DMGDH: variants seen among roughly 807,000 people sequenced by gnomAD.
DMGDH encodes dimethylglycine dehydrogenase, mitochondrial.
A neutral mutation model predicts 95.2 loss-of-function variants in DMGDH; 76 were observed. The ratio of observed to expected loss-of-function variants is 0.80; its 90% CI spans 0.66 to 0.97. DMGDH has a LOEUF of 0.97. DMGDH is among the 50% of genes least tolerant of loss of function. The probability of loss-of-function intolerance (pLI) is 0.00; values close to 1 mark genes in which losing one functional copy is unlikely to be tolerated. For missense variants in DMGDH, 987 were observed against 1,055.0 expected, an observed-to-expected ratio of 0.94 and a Z score of 0.89; for synonymous variants, 345 against 377.6, an observed-to-expected ratio of 0.91 and a Z score of 1.00.
At chr5:79,062,904 C>T (rs1021444841) in intron 2 of DMGDH, among the ~76,000 whole-genome samples, 1 of 152,034 alleles carries the variant, frequency 6.6e-6, no homozygotes, top group African/African-American at 2.4e-5. Context: ...CCAGCCTGAC[C>T]AACACGGTGA....
chr5:78,998,723 G>A (rs929400197), intron 15 of DMGDH, among the ~76,000 whole-genome samples: 2 of 152,130 alleles, frequency 1.3e-5, no homozygotes, highest in African/African-American at 2.4e-5. Flanking sequence ...GATGGCGGGC[G>A]CCTATACTCT....
intron 14 of DMGDH, among the ~76,000 whole-genome samples, chr5:79,019,408 T>C (rs1033540348): frequency 2.0e-5 from 3 of 152,040 alleles, no homozygotes; most frequent in African/African-American, 7.2e-5. Context: ...AAGACTGAAG[T>C]TGGTATGAAG....
intron 15 of DMGDH, among the ~76,000 whole-genome samples, chr5:79,001,528 G>T (rs1247908289): frequency 2.0e-5 from 3 of 152,154 alleles, no homozygotes; most frequent in Admixed American, 6.5e-5. Context: ...GTAAGAAAGA[G>T]ATTTGGGTTT....
intron 4 of DMGDH, among the ~76,000 whole-genome samples, chr5:79,052,446 G>A (rs1169045427): frequency 6.6e-6 from 1 of 152,110 alleles, no homozygotes; most frequent in African/African-American, 2.4e-5. Context: ...TTTCTTTGTG[G>A]GAAGTTTTTG....
intron 1 of DMGDH, among the ~76,000 whole-genome samples, chr5:79,067,647 C>G (rs1755415680): frequency 6.6e-6 from 1 of 152,150 alleles, no homozygotes; most frequent in Non-Finnish European, 1.5e-5. Context: ...CTCGGCCCAG[C>G]ATGCCATAAT....
intron 15 of DMGDH, among the ~76,000 whole-genome samples, chr5:79,003,965 A>C (rs1011059915): frequency 2.1e-4 from 32 of 151,934 alleles, no homozygotes; most frequent in African/African-American, 6.5e-4. Context: ...TAAATAAATA[A>C]ATAAAAATAA....
In DMGDH at chr5:79,051,469, G is replaced by A; in HGVS notation, c.563C>T (p.Pro188Leu). 2 of 1,613,982 alleles carry A rather than the reference G, an allele frequency of 1.2e-6. No individual in the cohort carries two copies. Among genetic ancestry groups the A allele is most frequent in the Non-Finnish European group, 1.7e-6 (2 of 1,179,980 alleles). The change falls in exon 5 of 16, where the codon CCT becomes CTT. Residue 188 changes from proline (P) to leucine (L), a missense_variant. Physicochemically the swap from Pro to Leu is moderately conservative, Grantham distance 98. Coordinates refer to ENST00000255189, the MANE Select transcript of DMGDH (RefSeq NM_013391.3). ...MNKVLAGLYN[P>L]GDGHIDPYSL... ...ATAAGGATCAATGTGACCATCTCCA[G>A]GATTATACAATCCAGCTAAAACCTA...
chr5:79,016,873 A>G (rs964569857), intron 14 of DMGDH, among the ~76,000 whole-genome samples: 2 of 152,234 alleles, frequency 1.3e-5, no homozygotes, highest in African/African-American at 4.8e-5. Flanking sequence ...GAGTCCAGAA[A>G]TAGACCTACA....
At chr5:79,047,487 A>G (rs779536776) in intron 5 of DMGDH, among the ~76,000 whole-genome samples, 1 of 152,192 alleles carries the variant, frequency 6.6e-6, no homozygotes, top group Non-Finnish European at 1.5e-5. Flanking sequence ...AAAATTCTTA[A>G]GTAAATTTTA....
intron 1 of DMGDH, 126 bp downstream of exon 1, chr5:79,069,394 G>A (rs1006539353): frequency 6.8e-6 from 3 of 439,952 alleles, no homozygotes; most frequent in African/African-American, 4.1e-5. Context: ...AAGATAATTC[G>A]AGAAGATATA....
chr5:79,026,660 T>C lies in DMGDH; in HGVS notation c.2033-79A>G, dbSNP rs2112620186. Reference sequence around the variant, plus strand: ...TAATGTGCATTAGCTAGAACACATATAAGCAGGAGAAATTCCACTTATGCA... The same window carrying C: ...TAATGTGCATTAGCTAGAACACATACAAGCAGGAGAAATTCCACTTATGCA... On this transcript the variant is annotated intron_variant, in intron 12 of 15. Coordinates refer to ENST00000255189, the MANE Select transcript of DMGDH (RefSeq NM_013391.3). 4.4e-6 allele frequency: 7 copies of C among 1,584,134 alleles called. No homozygotes were observed. In the East Asian group the frequency reaches 1.1e-4, roughly 26 times the overall value.
rs755720173 is a variant in DMGDH at position 79,051,470 on chromosome 5, G to C, written c.562C>G (p.Pro188Ala). 2 of 1,614,034 alleles carry C rather than the reference G, an allele frequency of 1.2e-6. No homozygotes were observed. The highest frequency in any genetic ancestry group is 2.2e-5 in the East Asian group (1 of 44,874). Residue 188 changes from proline to alanine, a missense_variant, in exon 5 of 16, where the codon CCT (proline) becomes GCT (alanine). Coordinates refer to ENST00000255189, the MANE Select transcript of DMGDH (RefSeq NM_013391.3). Reference protein sequence around the residue: ...MNKVLAGLYNPGDGHIDPYSL... With the variant: ...MNKVLAGLYNAGDGHIDPYSL... ...TAAGGATCAATGTGACCATCTCCAG[G>C]ATTATACAATCCAGCTAAAACCTAA...
intron 7 of DMGDH, among the ~76,000 whole-genome samples, chr5:79,040,864 C>T (rs1754489195): frequency 6.6e-6 from 1 of 152,208 alleles, no homozygotes; most frequent in Non-Finnish European, 1.5e-5. Flanking sequence ...ACTCCTACTT[C>T]CACATGCCTG....
chr5:79,031,115 G>A (rs1445749129), intron 9 of DMGDH, 117 bp from the exon 10 acceptor site: 1 of 869,752 alleles, frequency 1.1e-6, no homozygotes, highest in Non-Finnish European at 1.7e-6. Flanking sequence ...GCGGGGAGTG[G>A]GACTATGGGA....
intron 11 of DMGDH, 138 bp downstream of exon 11, chr5:79,029,766 A>C: frequency 1.0e-6 from 1 of 959,506 alleles, no homozygotes; most frequent in South Asian, 1.8e-5. Context: ...GTATTAAAAA[A>C]AATAAAGTTT....
chr5:79,049,434 G>A (rs1307508153), intron 5 of DMGDH, among the ~76,000 whole-genome samples: 1 of 152,158 alleles, frequency 6.6e-6, no homozygotes, highest in East Asian at 1.9e-4. Context: ...GAAAAATGGT[G>A]GGGCTTTGTC....
At chr5:79,049,036 A>G (rs1754760391) in intron 5 of DMGDH, among the ~76,000 whole-genome samples, 1 of 152,028 alleles carries the variant, frequency 6.6e-6, no homozygotes, top group Non-Finnish European at 1.5e-5. Context: ...AGGCATTACC[A>G]CTCCATGCAG....
At chr5:79,015,771 A>G (rs1007632533) in intron 14 of DMGDH, among the ~76,000 whole-genome samples, 2 of 152,216 alleles carry the variant, frequency 1.3e-5, no homozygotes, top group African/African-American at 4.8e-5. Context: ...GTAAAATCCA[A>G]TGATGTTTTA....
intron 14 of DMGDH, among the ~76,000 whole-genome samples, chr5:79,016,844 A>G (rs1193701277): frequency 6.6e-6 from 1 of 152,230 alleles, no homozygotes; most frequent in Non-Finnish European, 1.5e-5. Context: ...AAAGATAAAC[A>G]GATATACAGA....
Sources: allele counts gnomAD v4.1 joint callset (sites outside exome capture counted in the v4.1 genomes callset), GRCh38; gene constraint gnomAD v4.1.1; transcripts MANE v1.5; gene names NCBI Gene and HGNC (gene_info 2026-07-23, HGNC 2026-07-21).